CALN1: variants seen among roughly 807,000 people sequenced by gnomAD.
CALN1 encodes calcium-binding protein 8.
CALN1 carries 17 observed loss-of-function variants against 30.6 expected under a neutral mutation model. The observed-to-expected ratio is 0.56, with a 90% confidence interval of 0.38 to 0.83. CALN1 has a LOEUF of 0.83. Ranked by LOEUF, CALN1 falls within the 40% of genes least tolerant of loss-of-function variation. The pLI is 0.00. For synonymous variants in CALN1, 156 were observed against 131.4 expected, an observed-to-expected ratio of 1.19 and a Z score of -1.28; for missense variants, 291 against 354.9, an observed-to-expected ratio of 0.82 and a Z score of 1.45.
intron 2 of CALN1, among the ~76,000 whole-genome samples, chr7:72,388,638 A>T (rs1805388398): frequency 6.6e-6 from 1 of 152,306 alleles, no homozygotes; most frequent in Middle Eastern, 3.4e-3. Context: ...TATTCTTAAA[A>T]AATTTATTCT....
chr7:72,193,980 A>AT (rs1338216587), intron 3 of CALN1, among the ~76,000 whole-genome samples: 1 of 152,170 alleles, frequency 6.6e-6, no homozygotes, highest in African/African-American at 2.4e-5. Flanking sequence ...GGGGTGAGAG[A>AT]TAAGACTACA....
chr7:71,905,763 C>G (rs1405576165), intron 5 of CALN1, among the ~76,000 whole-genome samples: 1 of 152,022 alleles, frequency 6.6e-6, no homozygotes, highest in Non-Finnish European at 1.5e-5. Flanking sequence ...TAAAAAAAAT[C>G]TAGGGTTTAA....
At chr7:72,117,803 C>CA (rs1385382922) in intron 3 of CALN1, among the ~76,000 whole-genome samples, 2 of 151,836 alleles carry the variant, frequency 1.3e-5, no homozygotes, top group Non-Finnish European at 2.9e-5. Flanking sequence ...ACTAAAAATA[C>CA]AAAAATTAGC....
intron 2 of CALN1, among the ~76,000 whole-genome samples, chr7:72,298,794 T>C (rs1371914322): frequency 1.0e-5 from 1 of 96,998 alleles, no homozygotes; most frequent in Non-Finnish European, 2.4e-5. Flanking sequence ...TCAAGAGATC[T>C]GATGGTTTTA....
At chr7:71,995,571 G>A (rs564001326) in intron 5 of CALN1, among the ~76,000 whole-genome samples, 1 of 152,108 alleles carries the variant, frequency 6.6e-6, no homozygotes, top group Non-Finnish European at 1.5e-5. Context: ...CACTTTGAGA[G>A]GCCGAGGTGG....
chr7:72,084,724 G>A (rs1343244253), intron 4 of CALN1, among the ~76,000 whole-genome samples: 1 of 152,098 alleles, frequency 6.6e-6, no homozygotes, highest in African/African-American at 2.4e-5. Flanking sequence ...TGATAAACTG[G>A]ATTTAATCAA....
chr7:71,787,790 C>T lies in CALN1; in HGVS notation c.771G>A (p.Arg257=). The change falls in exon 7 of 7, where the codon CGG becomes CGA. Residue 257 remains arginine (R), a synonymous_variant. Transcript: ENST00000395275. ...CGGGAGGCTGCTACTCCATGCCGCTCCGGAGTATCTGGTTGGCTGCAATCA... is the reference window on the plus strand; with the variant it reads ...CGGGAGGCTGCTACTCCATGCCGCTTCGGAGTATCTGGTTGGCTGCAATCA... The part of the protein sequence containing the change: ...VMLIAANQIL[R]SGME 1 of 1,613,974 alleles carries T rather than the reference C, an allele frequency of 6.2e-7. No homozygotes were observed. The highest frequency in any genetic ancestry group is 8.5e-7 in the Non-Finnish European group (1 of 1,180,018).
chr7:71,790,055 G>A (rs991188158), intron 6 of CALN1, among the ~76,000 whole-genome samples: 2 of 151,522 alleles, frequency 1.3e-5, no homozygotes, highest in African/African-American at 4.9e-5. Flanking sequence ...GGTGAGCTGT[G>A]GTCACACCAC....
At chr7:72,049,312 A>G (rs1395227957) in intron 4 of CALN1, among the ~76,000 whole-genome samples, 1 of 152,206 alleles carries the variant, frequency 6.6e-6, no homozygotes, top group Non-Finnish European at 1.5e-5. Flanking sequence ...ACTTTACAAG[A>G]GAGAAAGACA....
At chr7:71,884,515 T>C (rs1187464601) in intron 5 of CALN1, among the ~76,000 whole-genome samples, 1 of 150,364 alleles carries the variant, frequency 6.7e-6, no homozygotes, top group African/African-American at 2.5e-5. Context: ...TATTCCAGCT[T>C]GGGCCAGATC....
At chr7:71,854,878 G>A (rs577963568) in intron 5 of CALN1, among the ~76,000 whole-genome samples, 2 of 152,184 alleles carry the variant, frequency 1.3e-5, no homozygotes, top group South Asian at 4.2e-4. Context: ...AATAAATCAC[G>A]GCTTCCCTTA....
chr7:72,471,803 T>A, the CALN1 span, among the ~76,000 whole-genome samples: 1 of 152,236 alleles, frequency 6.6e-6, no homozygotes, highest in East Asian at 1.9e-4. Flanking sequence ...GGGTCCTTTT[T>A]TGTTTGTTTG....
intron 3 of CALN1, among the ~76,000 whole-genome samples, chr7:72,267,981 G>T (rs1015488): frequency 0.73 from 110,790 of 152,214 alleles, 41,304 homozygotes; most frequent in East Asian, 1. Context: ...CACTCCAGCC[G>T]GGGCAACAGA....
chr7:72,207,880 A>T (rs996496354), intron 3 of CALN1, among the ~76,000 whole-genome samples: 2 of 152,172 alleles, frequency 1.3e-5, no homozygotes, highest in Non-Finnish European at 2.9e-5. Context: ...ATTTTAAGAC[A>T]AAAAATCTAT....
chr7:71,999,989 G>A (rs1231261209), intron 5 of CALN1, among the ~76,000 whole-genome samples: 1 of 151,950 alleles, frequency 6.6e-6, no homozygotes, highest in Non-Finnish European at 1.5e-5. Flanking sequence ...CTAAATACCT[G>A]GAAAATTAAT....
chr7:72,275,747 T>A (rs143589632), intron 3 of CALN1, among the ~76,000 whole-genome samples: 38 of 152,278 alleles, frequency 2.5e-4, no homozygotes, highest in African/African-American at 8.9e-4. Flanking sequence ...CTCTCGCTAA[T>A]CTACATACTG....
intron 5 of CALN1, among the ~76,000 whole-genome samples, chr7:71,958,294 T>C (rs1376558744): frequency 6.6e-6 from 1 of 152,120 alleles, no homozygotes; most frequent in African/African-American, 2.4e-5. Flanking sequence ...TCCCCTCTGT[T>C]TGTCAGGTTT....
intron 2 of CALN1, among the ~76,000 whole-genome samples, chr7:72,289,914 C>CA (rs1311533498): frequency 3.3e-5 from 5 of 151,208 alleles, no homozygotes; most frequent in African/African-American, 1.2e-4. Context: ...CTCATTTCTA[C>CA]AAAAAATAAA....
intron 2 of CALN1, among the ~76,000 whole-genome samples, chr7:72,359,470 T>TA (rs1459340155): frequency 2.0e-5 from 3 of 152,358 alleles, no homozygotes; most frequent in African/African-American, 7.2e-5. Flanking sequence ...CATTGTTCTC[T>TA]ACCTTTCTTT....
Sources: gnomAD v4.1 joint callset for allele counts (sites outside exome capture counted in the v4.1 genomes callset) on GRCh38, gnomAD v4.1.1 for gene constraint, MANE v1.5 for transcripts, NCBI Gene and HGNC (gene_info 2026-07-23, HGNC 2026-07-21) for gene names.